PTPRZ1: variants seen among roughly 807,000 people sequenced by gnomAD.
PTPRZ1 encodes receptor-type tyrosine-protein phosphatase zeta.
Under a neutral mutation model 214.1 loss-of-function variants are expected in PTPRZ1, and 82 were observed. The ratio of observed to expected loss-of-function variants is 0.38; its 90% CI spans 0.32 to 0.46. PTPRZ1 has a LOEUF of 0.46. PTPRZ1 is among the 20% of genes least tolerant of loss of function. PTPRZ1 has a pLI of 1.00. For synonymous variants in PTPRZ1, 945 were observed against 987.9 expected (o/e 0.96, Z 0.81); for missense variants, 2,603 against 2,748.7 (o/e 0.95, Z 1.19).
At chr7:121,889,678 T>C (rs1032866413) in intron 1 of PTPRZ1, among the ~76,000 whole-genome samples, 1 of 152,134 alleles carries the variant, frequency 6.6e-6, no homozygotes, top group African/African-American at 2.4e-5. Context: ...AAGAGTTTTC[T>C]ATAGTCACTA....
intron 8 of PTPRZ1, among the ~76,000 whole-genome samples, chr7:121,991,712 C>G (rs1797968405): frequency 6.6e-6 from 1 of 152,162 alleles, no homozygotes; most frequent in Non-Finnish European, 1.5e-5. Context: ...TGAAGTCACT[C>G]TGGGTCCCTA....
intron 1 of PTPRZ1, among the ~76,000 whole-genome samples, chr7:121,902,267 T>C (rs924020249): frequency 1.3e-5 from 2 of 152,228 alleles, no homozygotes; most frequent in South Asian, 4.1e-4. Flanking sequence ...ACACTTAGAT[T>C]GATTCCATAT....
intron 4 of PTPRZ1, among the ~76,000 whole-genome samples, chr7:121,973,484 C>T (rs1193015158): frequency 1.3e-5 from 2 of 152,056 alleles, no homozygotes; most frequent in African/African-American, 2.4e-5. Flanking sequence ...TGAATCTTGA[C>T]TCCACCATTT....
chr7:122,010,834 C>A lies in PTPRZ1; in HGVS notation c.1788C>A (p.Ile596=). ...GCTCCAGTCCCGCAACTTCTGCTAT[C>A]CCATTCATCTCTGAGAACATATCCC... ...SSGSSPATSA[I]PFISENISQG... Residue 596 remains isoleucine, a synonymous_variant, in exon 12 of 30, where the codon ATC becomes ATA. Coordinates refer to ENST00000393386, the MANE Select transcript of PTPRZ1 (RefSeq NM_002851.3). The A allele has an allele frequency of 6.2e-7, 1 of 1,614,122 alleles. No individual in the cohort carries two copies. The highest frequency in any genetic ancestry group is 2.2e-5 in the East Asian group (1 of 44,886).
chr7:122,030,594 G>C (rs1799341694), intron 14 of PTPRZ1, among the ~76,000 whole-genome samples: 1 of 151,342 alleles, frequency 6.6e-6, no homozygotes, highest in South Asian at 2.1e-4. Context: ...ATGGATTCCA[G>C]TTTTTTTTTA....
At chr7:121,921,369 C>G (rs965041712) in intron 1 of PTPRZ1, among the ~76,000 whole-genome samples, 1 of 152,124 alleles carries the variant, frequency 6.6e-6, no homozygotes, top group Non-Finnish European at 1.5e-5. Flanking sequence ...CTTTGAGACT[C>G]TCCTTGGTCC....
At chr7:121,887,814 G>A (rs1040460724) in intron 1 of PTPRZ1, among the ~76,000 whole-genome samples, 2 of 152,144 alleles carry the variant, frequency 1.3e-5, no homozygotes, top group South Asian at 2.1e-4. Context: ...CTGTCAAGCC[G>A]GGGTTTTAAT....
chr7:122,014,367 T>C (rs1274766414), intron 12 of PTPRZ1, among the ~76,000 whole-genome samples: 2 of 152,134 alleles, frequency 1.3e-5, no homozygotes, highest in Non-Finnish European at 2.9e-5. Flanking sequence ...GACACACCCC[T>C]GTAGAAAGGA....
chr7:122,041,120 A>G (rs917368589), intron 21 of PTPRZ1, 141 bp downstream of exon 21: 6 of 725,338 alleles, frequency 8.3e-6, no homozygotes, highest in Non-Finnish European at 9.9e-6. Flanking sequence ...TTTCATAAGT[A>G]TTGATCACTA....
At chr7:121,981,721 T>G (rs1797618697) in intron 6 of PTPRZ1, among the ~76,000 whole-genome samples, 1 of 152,194 alleles carries the variant, frequency 6.6e-6, no homozygotes, top group South Asian at 2.1e-4. Flanking sequence ...TGGATAGAAA[T>G]TCTATAATCT....
At chr7:121,994,282 T>C (rs1254162129) in intron 8 of PTPRZ1, among the ~76,000 whole-genome samples, 1 of 129,014 alleles carries the variant, frequency 7.8e-6, no homozygotes, top group Admixed American at 9.7e-5. Flanking sequence ...ATAAAATTAA[T>C]GCATTTCTTT....
At chr7:121,943,004 A>G (rs921216534) in intron 2 of PTPRZ1, among the ~76,000 whole-genome samples, 3 of 152,192 alleles carry the variant, frequency 2.0e-5, no homozygotes, top group African/African-American at 7.2e-5. Context: ...AGAAGATTGT[A>G]TGTTACAGGT....
intron 12 of PTPRZ1, among the ~76,000 whole-genome samples, chr7:122,015,509 A>G (rs1010589464): frequency 6.6e-6 from 1 of 152,102 alleles, no homozygotes; most frequent in African/African-American, 2.4e-5. Context: ...GATATGTGAG[A>G]ATGAATAATG....
chr7:121,911,834 CT>C (rs1230862790), intron 1 of PTPRZ1, among the ~76,000 whole-genome samples: 1 of 151,704 alleles, frequency 6.6e-6, no homozygotes, highest in African/African-American at 2.4e-5. Context: ...CTTTATTAAG[CT>C]ATTCAATATC....
intron 13 of PTPRZ1, among the ~76,000 whole-genome samples, chr7:122,020,188 C>T (rs956118295): frequency 1.3e-5 from 2 of 151,934 alleles, no homozygotes; most frequent in African/African-American, 4.8e-5. Flanking sequence ...GAAATATTTA[C>T]CATTGTTATT....
chr7:121,929,194 G>A (rs139783305), intron 2 of PTPRZ1, among the ~76,000 whole-genome samples: 9 of 152,108 alleles, frequency 5.9e-5, no homozygotes, highest in African/African-American at 2.2e-4. Context: ...CTCAGGAATA[G>A]CCACTTAAAA....
Position 121,931,874 on chromosome 7 carries a change from T to G in PTPRZ1, c.124+3653T>G, listed in dbSNP as rs151173082. ...TAAGGCCTATTGGCTTTAGCTTCTT[T>G]CAGGAAAGTCTAGTGATCAAAGGGA... On this transcript the variant is annotated intron_variant, in intron 2 of 29. Transcript: ENST00000393386. Among the ~76,000 whole-genome samples the G allele has an allele frequency of 1.6e-3, 246 of 152,134 alleles. 1 individual carries two copies. The highest frequency in any genetic ancestry group is 2.7e-3 in the Non-Finnish European group (185 of 67,974).
intron 23 of PTPRZ1, among the ~76,000 whole-genome samples, chr7:122,046,376 C>G (rs1322868350): frequency 2.6e-5 from 4 of 151,862 alleles, no homozygotes; most frequent in East Asian, 3.9e-4. Context: ...CCACTGCACT[C>G]CAGTCTGGGA....
chr7:121,969,145 CAAG>C (rs1797137701), intron 3 of PTPRZ1, among the ~76,000 whole-genome samples: 1 of 151,994 alleles, frequency 6.6e-6, no homozygotes, highest in Non-Finnish European at 1.5e-5. Context: ...GGCTGAGACA[CAAG>C]AATCACTTGA....
Sources: gnomAD v4.1 joint callset for allele counts (sites outside exome capture counted in the v4.1 genomes callset) on GRCh38, gnomAD v4.1.1 for gene constraint, MANE v1.5 for transcripts, NCBI Gene and HGNC (gene_info 2026-07-23, HGNC 2026-07-21) for gene names.